PRMT8: variants seen among roughly 807,000 people sequenced by gnomAD.
PRMT8 encodes protein arginine methyltransferase 8.
In PRMT8, 7 loss-of-function variants were observed where a neutral mutation model predicts 47.1. The ratio of observed to expected loss-of-function variants is 0.15; its 90% confidence interval spans 0.08 to 0.28. The LOEUF is 0.28. PRMT8 is among the 10% of genes least tolerant of loss of function. The pLI is 1.00. For synonymous variants in PRMT8, 188 were observed against 186.5 expected, an observed-to-expected ratio of 1.01 and a Z score of -0.07; for missense variants, 237 against 505.4, an observed-to-expected ratio of 0.47 and a Z score of 5.09.
intron 1 of PRMT8, among the ~76,000 whole-genome samples, chr12:3,386,566 G>A (rs1476086547): frequency 3.3e-5 from 5 of 151,826 alleles, no homozygotes; most frequent in African/African-American, 2.4e-5. Flanking sequence ...CTGTCTGCCC[G>A]TTTGTCCATC....
intron 1 of PRMT8, among the ~76,000 whole-genome samples, chr12:3,449,814 C>T (rs1057017844): frequency 6.6e-6 from 1 of 152,152 alleles, no homozygotes; most frequent in South Asian, 2.1e-4. Context: ...TGCCTGTGTC[C>T]TGAATGGTGT....
At chr12:3,543,382 A>G (rs1866267614) in intron 2 of PRMT8, among the ~76,000 whole-genome samples, 1 of 152,176 alleles carries the variant, frequency 6.6e-6, no homozygotes, top group South Asian at 2.1e-4. Context: ...AGCACCAGGG[A>G]TCTCTGTTCC....
rs544295316 is a variant in PRMT8, at chr12:3,528,379, C to A, written c.76-12227C>A. Reference sequence around the variant, plus strand: ...TTTCTCTGTGGGTTTTTTGGATGATCTTTATTGCCTTGTGTCAAGTTCACT... The same window carrying A: ...TTTCTCTGTGGGTTTTTTGGATGATATTTATTGCCTTGTGTCAAGTTCACT... On this transcript the variant is annotated intron_variant, in intron 1 of 9. Transcript: ENST00000382622. Among the ~76,000 whole-genome samples, 18 of 152,160 alleles carry A rather than the reference C, an allele frequency of 1.2e-4. No homozygotes were observed. The South Asian group carries it at 3.7e-3, about 32-fold the overall frequency.
At chr12:3,404,227 G>A (rs564092909) in intron 1 of PRMT8, among the ~76,000 whole-genome samples, 6 of 151,978 alleles carry the variant, frequency 3.9e-5, no homozygotes, top group South Asian at 4.2e-4. Flanking sequence ...TTTACTACAC[G>A]TATGTATTTC....
At chr12:3,556,442 A>G (rs1368713859) in intron 4 of PRMT8, among the ~76,000 whole-genome samples, 1 of 152,026 alleles carries the variant, frequency 6.6e-6, no homozygotes, top group African/African-American at 2.4e-5. Flanking sequence ...GCTCAACTGT[A>G]GGGAATGTGG....
intron 1 of PRMT8, among the ~76,000 whole-genome samples, chr12:3,536,539 C>A (rs1327849761): frequency 2.0e-5 from 3 of 152,162 alleles, no homozygotes; most frequent in African/African-American, 7.2e-5. Flanking sequence ...AATGCCCAGG[C>A]CAGCTAGGAC....
intron 1 of PRMT8, among the ~76,000 whole-genome samples, chr12:3,474,655 G>T (rs1865192588): frequency 6.6e-6 from 1 of 152,102 alleles, no homozygotes; most frequent in East Asian, 1.9e-4. Context: ...CTTCAGGAAT[G>T]ACCTGCTGGA....
intron 8 of PRMT8, among the ~76,000 whole-genome samples, chr12:3,585,397 C>T (rs1430007598): frequency 8.1e-5 from 9 of 111,090 alleles, no homozygotes; most frequent in African/African-American, 3.1e-4. Flanking sequence ...CTCACTCTGT[C>T]TCCCAGGCTG....
chr12:3,498,559 C>A (rs1378088323), intron 1 of PRMT8, among the ~76,000 whole-genome samples: 2 of 152,152 alleles, frequency 1.3e-5, no homozygotes, highest in African/African-American at 2.4e-5. Flanking sequence ...ACAGCCATCA[C>A]CTCACTCTCC....
At chr12:3,392,531 G>T (rs1236361507) in intron 1 of PRMT8, among the ~76,000 whole-genome samples, 1 of 151,238 alleles carries the variant, frequency 6.6e-6, no homozygotes, top group Non-Finnish European at 1.5e-5. Context: ...TCCCTACAAA[G>T]GACATGAACT....
chr12:3,543,840 T>G (rs1866277601), intron 2 of PRMT8, among the ~76,000 whole-genome samples: 1 of 152,208 alleles, frequency 6.6e-6, no homozygotes, highest in South Asian at 2.1e-4. Flanking sequence ...GTGTGCTTCC[T>G]GAGGCCGCCA....
intron 1 of PRMT8, among the ~76,000 whole-genome samples, chr12:3,413,423 G>A (rs1864452046): frequency 6.6e-6 from 1 of 152,188 alleles, no homozygotes. Flanking sequence ...TTTATTAGCA[G>A]TGTGAGAACA....
At chr12:3,533,348 T>A (rs1315895570) in intron 1 of PRMT8, among the ~76,000 whole-genome samples, 1 of 152,166 alleles carries the variant, frequency 6.6e-6, no homozygotes, top group African/African-American at 2.4e-5. Flanking sequence ...AACACCTAGA[T>A]CAAGCTTGTC....
At chr12:3,452,899 G>T (rs566034539) in intron 1 of PRMT8, among the ~76,000 whole-genome samples, 6 of 152,340 alleles carry the variant, frequency 3.9e-5, no homozygotes, top group Non-Finnish European at 8.8e-5. Flanking sequence ...GGCGAGTGGG[G>T]TGGTGAGAGG....
chr12:3,440,460 A>AAAAT, intron 1 of PRMT8, among the ~76,000 whole-genome samples: 1 of 102,738 alleles, frequency 9.7e-6, no homozygotes, highest in East Asian at 3.7e-4. Context: ...AGACTCCGTC[A>AAAAT]AAACAAACAA....
chr12:3,528,246 A>G (rs1157928768), intron 1 of PRMT8, among the ~76,000 whole-genome samples: 3 of 152,058 alleles, frequency 2.0e-5, no homozygotes, highest in African/African-American at 7.2e-5. Flanking sequence ...TTCTTTAAAT[A>G]TTTTTGTGTC....
intron 2 of PRMT8, among the ~76,000 whole-genome samples, chr12:3,547,973 C>T (rs927398345): frequency 1.3e-5 from 2 of 152,122 alleles, no homozygotes; most frequent in Admixed American, 6.5e-5. Flanking sequence ...TAAAGAAGTA[C>T]GTTGGCAGAC....
At chr12:3,425,725 G>A (rs960006821) in intron 1 of PRMT8, among the ~76,000 whole-genome samples, 8 of 152,240 alleles carry the variant, frequency 5.3e-5, no homozygotes, top group African/African-American at 1.7e-4. Context: ...GTGTCGAAAG[G>A]CGAGCTTCTC....
At chr12:3,401,403 G>C (rs2878577) in intron 1 of PRMT8, among the ~76,000 whole-genome samples, 1,967 of 152,104 alleles carry the variant, frequency 0.013, 142 homozygotes, top group Admixed American at 0.12. Flanking sequence ...CATTCCACTT[G>C]AAAATCGGCA....
Sources: allele counts gnomAD v4.1 joint callset (sites outside exome capture counted in the v4.1 genomes callset), GRCh38; gene constraint gnomAD v4.1.1; transcripts MANE v1.5; gene names NCBI Gene and HGNC (gene_info 2026-07-23, HGNC 2026-07-21).